The following KIF3B variants were observed in gnomAD, a reference collection of about 807,000 sequenced individuals.
KIF3B encodes the protein kinesin-like protein KIF3B.
KIF3B carries 38 observed loss-of-function variants against 74.3 expected under a neutral mutation model. The ratio of observed to expected loss-of-function variants is 0.51; its 90% confidence interval spans 0.39 to 0.67. KIF3B has a LOEUF of 0.67. KIF3B is among the 30% of genes least tolerant of loss of function. The pLI is 0.00. For missense variants in KIF3B, 649 were observed against 932.0 expected (o/e 0.70, Z 3.95); for synonymous variants, 326 against 342.5 (o/e 0.95, Z 0.53).
At chr20:32,315,934 G>A (rs1238950190) in intron 2 of KIF3B, among the ~76,000 whole-genome samples, 24 of 151,938 alleles carry the variant, frequency 1.6e-4, no homozygotes, top group Non-Finnish European at 2.1e-4. Flanking sequence ...TTCTAAGTGG[G>A]GTTAATACTT....
At chr20:32,303,477 A>G (rs948186080) in intron 1 of KIF3B, among the ~76,000 whole-genome samples, 1 of 151,894 alleles carries the variant, frequency 6.6e-6, no homozygotes, top group Admixed American at 6.6e-5. Flanking sequence ...AGGCAGGAGA[A>G]TTGCTTGAAC....
chr20:32,296,409 C>T (rs925729017), intron 1 of KIF3B, among the ~76,000 whole-genome samples: 34 of 151,998 alleles, frequency 2.2e-4, no homozygotes, highest in African/African-American at 7.7e-4. Flanking sequence ...TCAAGAACAG[C>T]CTGGCCATGG....
rs2122657914 is a variant in KIF3B, at chr20:32,288,084, T to G, written c.-66+10319T>G. Among the ~76,000 whole-genome samples the G allele has an allele frequency of 1.3e-5, 2 of 152,084 alleles. 1 individual carries two copies. Among genetic ancestry groups the G allele is most frequent in the Middle Eastern group, 6.8e-3 (2 of 294 alleles). On this transcript the variant is annotated intron_variant, in intron 1 of 8. Coordinates refer to ENST00000375712, the MANE Select transcript of KIF3B (RefSeq NM_004798.4). ...TTTTAGTAGAGATAGGGTTTCACCA[T>G]GTTGGTCAGGCTGGTCTTGAACCCC...
At chr20:32,321,318 A>T (rs2047858464) in intron 5 of KIF3B, among the ~76,000 whole-genome samples, 1 of 151,782 alleles carries the variant, frequency 6.6e-6, no homozygotes, top group Admixed American at 6.6e-5. Context: ...AGTCCCAGCT[A>T]CTCAGGAGGC....
intron 1 of KIF3B, among the ~76,000 whole-genome samples, chr20:32,299,522 G>A (rs981875606): frequency 6.9e-6 from 1 of 145,776 alleles, no homozygotes; most frequent in African/African-American, 2.6e-5. Context: ...AGTGATTCTC[G>A]TGCCTCAGCT....
chr20:32,319,723 A>G (rs1224544070), intron 5 of KIF3B, among the ~76,000 whole-genome samples: 1 of 135,436 alleles, frequency 7.4e-6, no homozygotes, highest in East Asian at 2.3e-4. Flanking sequence ...ATAGCTGGGA[A>G]TACAGGCACC....
At chr20:32,308,725 A>G (rs1027025314) in intron 1 of KIF3B, among the ~76,000 whole-genome samples, 1 of 131,920 alleles carries the variant, frequency 7.6e-6, no homozygotes, top group African/African-American at 2.9e-5. Flanking sequence ...TTTTTATTTT[A>G]CTTTTTTTTT....
At chr20:32,315,540 A>G (rs1424797438) in intron 2 of KIF3B, among the ~76,000 whole-genome samples, 3 of 152,120 alleles carry the variant, frequency 2.0e-5, no homozygotes, top group Non-Finnish European at 4.4e-5. Context: ...TTTCACCTCT[A>G]CAATCAATCA....
intron 5 of KIF3B, among the ~76,000 whole-genome samples, chr20:32,323,601 G>T (rs796743407): frequency 2.0e-5 from 3 of 151,904 alleles, no homozygotes; most frequent in Non-Finnish European, 4.4e-5. Context: ...TTTTTCAGCC[G>T]AGCATGGTGG....
chr20:32,280,228 G>A (rs551676615), intron 1 of KIF3B, among the ~76,000 whole-genome samples: 2 of 152,238 alleles, frequency 1.3e-5, no homozygotes, highest in Admixed American at 6.5e-5. Context: ...TGGGTTTAAC[G>A]TGGTGCTTGT....
chr20:32,291,885 G>A (rs2047693013), intron 1 of KIF3B, among the ~76,000 whole-genome samples: 1 of 151,862 alleles, frequency 6.6e-6, no homozygotes, highest in Non-Finnish European at 1.5e-5. Flanking sequence ...CCAAAGTGCT[G>A]GGATTACAGG....
Position 32,310,518 on chromosome 20 carries a change from T to C in KIF3B, c.741T>C (p.Ala247=), listed in dbSNP as rs1173608181. 2 of 1,614,026 alleles carry C rather than the reference T, an allele frequency of 1.2e-6. No homozygotes were observed. The highest frequency in any genetic ancestry group is 1.7e-6 in the Non-Finnish European group (2 of 1,180,038). The stretch of plus-strand genomic sequence containing the variant: ...GAAAATTGAACCTTGTAGATCTTGC[T>C]GGCAGCGAACGGCAAGCCAAGACCG... The part of the protein sequence containing the change: ...RVGKLNLVDL[A]GSERQAKTGA... The change falls in exon 2 of 9, where the codon GCT becomes GCC. Residue 247 remains alanine, a synonymous_variant. Coordinates refer to ENST00000375712, the MANE Select transcript of KIF3B (RefSeq NM_004798.4). The surrounding 1 kb of genome is among the most constrained non-coding windows in gnomAD (Gnocchi z 6.5).
chr20:32,278,243 C>T (rs2047625861), intron 1 of KIF3B, among the ~76,000 whole-genome samples: 1 of 151,956 alleles, frequency 6.6e-6, no homozygotes, highest in African/African-American at 2.4e-5. Flanking sequence ...TCTTAGGGCA[C>T]CCTAGATGGG....
chr20:32,301,097 T>G (rs969816763), intron 1 of KIF3B, among the ~76,000 whole-genome samples: 1 of 145,630 alleles, frequency 6.9e-6, no homozygotes, highest in African/African-American at 2.5e-5. Flanking sequence ...TTTTTTTTTT[T>G]TTTTTTTTTT....
chr20:32,324,247 C>CTCAG (rs2047892031), intron 5 of KIF3B, among the ~76,000 whole-genome samples: 1 of 152,116 alleles, frequency 6.6e-6, no homozygotes. Flanking sequence ...GGTTCCCAAC[C>CTCAG]TTGGCTACAA....
intron 1 of KIF3B, among the ~76,000 whole-genome samples, chr20:32,299,903 C>T (rs1184685577): frequency 6.6e-6 from 1 of 151,966 alleles, no homozygotes; most frequent in African/African-American, 2.4e-5. Flanking sequence ...ATCCTCCTGC[C>T]TCAGCCTCCC....
Position 32,316,604 on chromosome 20 carries a change from C to T in KIF3B, c.1584C>T (p.Ser528=), listed in dbSNP as rs1305292802. 4 of 1,613,976 alleles carry T rather than the reference C, an allele frequency of 2.5e-6. No individual in the cohort carries two copies. In the East Asian group the frequency reaches 8.9e-5, roughly 36 times the overall value. ...CCTTGGAACTTAAAGAGACATACAGCTCATTGCAGCAAGAGGTGGACATCA... is the reference window on the plus strand; with the variant it reads ...CCTTGGAACTTAAAGAGACATACAGTTCATTGCAGCAAGAGGTGGACATCA... ...EETLELKETY[S]SLQQEVDIKT... The change falls in exon 4 of 9, where the codon AGC becomes AGT. Residue 528 remains serine (S), a synonymous_variant. Transcript: ENST00000375712.
chr20:32,282,996 A>G (rs1374064156), intron 1 of KIF3B, among the ~76,000 whole-genome samples: 2 of 152,206 alleles, frequency 1.3e-5, no homozygotes, highest in South Asian at 2.1e-4. Context: ...AGTAAAACTA[A>G]TAGTCTTATC....
At chr20:32,282,291 A>G (rs954342695) in intron 1 of KIF3B, among the ~76,000 whole-genome samples, 2 of 152,086 alleles carry the variant, frequency 1.3e-5, no homozygotes, top group African/African-American at 2.4e-5. Context: ...GTGAGAGAAT[A>G]AGGATGACTC....
Sources: gnomAD v4.1 joint callset for allele counts (sites outside exome capture counted in the v4.1 genomes callset) on GRCh38, gnomAD v4.1.1 for gene constraint, Gnocchi (gnomAD v3.1) non-coding constraint, MANE v1.5 for transcripts, NCBI Gene and HGNC (gene_info 2026-07-23, HGNC 2026-07-21) for gene names.